The following SOAT2 variants were observed in gnomAD, a reference collection of about 807,000 sequenced individuals.
The protein encoded by SOAT2 is ACAT-2.
A neutral mutation model predicts 76.0 loss-of-function variants in SOAT2; 87 were observed. The ratio of observed to expected loss-of-function variants is 1.14; its 90% CI spans 0.96 to 1.37. The LOEUF (loss-of-function observed/expected upper bound fraction) is 1.37. Ranked by LOEUF, SOAT2 falls within the 40% of genes most tolerant of loss-of-function variation. The pLI, the probability that SOAT2 is intolerant of heterozygous loss-of-function variation, is 0.00. For missense variants in SOAT2, 686 were observed against 682.1 expected (o/e 1.01, Z -0.06); for synonymous variants, 285 against 275.4 (o/e 1.03, Z -0.34).
At chr12:53,115,703 C>A in intron 6 of SOAT2, 49 bp downstream of exon 6, 1 of 1,459,552 alleles carries the variant, frequency 6.9e-7, no homozygotes, top group Non-Finnish European at 9.0e-7. Flanking sequence ...GCTGGTGGGG[C>A]CATCTCAGCA....
chr12:53,110,669 C>A (rs926400191), intron 5 of SOAT2, among the ~76,000 whole-genome samples: 2 of 152,110 alleles, frequency 1.3e-5, no homozygotes, highest in African/African-American at 4.8e-5. Flanking sequence ...TTTCACATGT[C>A]CCTAGCCTTA....
intron 1 of SOAT2, 60 bp downstream of exon 1, chr12:53,103,719 G>T: frequency 7.6e-7 from 1 of 1,315,404 alleles, no homozygotes; most frequent in Non-Finnish European, 1.0e-6. Context: ...GGGGAGAGAT[G>T]CGCTATGGAG....
At chr12:53,116,273 T>G in intron 7 of SOAT2, 107 bp downstream of exon 7, 1 of 1,010,340 alleles carries the variant, frequency 9.9e-7, no homozygotes, top group Non-Finnish European at 1.5e-6. Flanking sequence ...TAAGCCCGGG[T>G]TGCCCACCAG....
chr12:53,118,280 C>A, intron 7 of SOAT2, 70 bp from the exon 8 acceptor site: 1 of 639,614 alleles, frequency 1.6e-6, no homozygotes, highest in Non-Finnish European at 2.9e-6. Flanking sequence ...CACCACCCTT[C>A]CCCAGCAGCC....
chr12:53,111,178 T>C (rs944969937), intron 5 of SOAT2, among the ~76,000 whole-genome samples: 12 of 151,644 alleles, frequency 7.9e-5, no homozygotes, highest in African/African-American at 2.9e-4. Context: ...TGATCTCGGC[T>C]CACTGCAAGC....
chr12:53,122,083 G>T (rs1014111474), intron 12 of SOAT2, among the ~76,000 whole-genome samples: 1 of 151,668 alleles, frequency 6.6e-6, no homozygotes, highest in African/African-American at 2.4e-5. Flanking sequence ...TGGGATTACA[G>T]ACGTAAGTGA....
chr12:53,123,565 A>G (rs911926627), intron 13 of SOAT2, among the ~76,000 whole-genome samples, 163 bp from the exon 14 acceptor site: 13 of 152,196 alleles, frequency 8.5e-5, no homozygotes, highest in African/African-American at 2.9e-4. Flanking sequence ...TCCTGGTTTT[A>G]CATGGGCCAC....
chr12:53,107,304 ACT>A (rs35431257), intron 5 of SOAT2, among the ~76,000 whole-genome samples: 28,311 of 151,796 alleles, frequency 0.19, 3,359 homozygotes, highest in African/African-American at 0.35. Context: ...TCGCAGTAGC[ACT>A]CTCTGTTTCG....
At position 53,115,473 on chromosome 12, in the gene SOAT2, C is replaced by A. The variant is rs1938087278; in HGVS notation, c.527C>A (p.Ser176Tyr). 6.2e-7 allele frequency: 1 copy of A among 1,612,156 alleles called. No homozygotes were observed. Among genetic ancestry groups the A allele is most frequent in the South Asian group, 1.1e-5 (1 of 91,048 alleles). The change falls in exon 6 of 15, where the codon TCC becomes TAC. Residue 176 changes from serine to tyrosine, a missense_variant. Physicochemically the swap from Ser to Tyr is moderately radical, Grantham distance 144. Transcript: ENST00000301466. ...ALVTWVPMFLSTLLAPYQALR... is the reference protein window; with the variant it reads ...ALVTWVPMFLYTLLAPYQALR... Reference sequence around the variant, plus strand: ...GTGACCTGGGTGCCCATGTTTCTGTCCACCCTGTTGGCGCCGTACCAGGCC... The same window carrying A: ...GTGACCTGGGTGCCCATGTTTCTGTACACCCTGTTGGCGCCGTACCAGGCC...
intron 5 of SOAT2, among the ~76,000 whole-genome samples, chr12:53,113,205 T>G (rs1267775310): frequency 2.0e-5 from 3 of 152,142 alleles, no homozygotes; most frequent in Non-Finnish European, 4.4e-5. Flanking sequence ...ACTCAAAACC[T>G]GATTGCAACC....
chr12:53,121,546 C>T (rs1938189907), intron 12 of SOAT2, 145 bp downstream of exon 12: 3 of 641,128 alleles, frequency 4.7e-6, no homozygotes, highest in Non-Finnish European at 8.2e-6. Context: ...TCCTCATTTT[C>T]TCATTTTACC....
intron 12 of SOAT2, among the ~76,000 whole-genome samples, chr12:53,121,980 G>C (rs745421538): frequency 6.6e-6 from 1 of 151,260 alleles, no homozygotes; most frequent in Non-Finnish European, 1.5e-5. Flanking sequence ...GCTAATTTTT[G>C]TATTTTTAGT....
chr12:53,103,652 T>C lies in SOAT2; in HGVS notation c.75T>C (p.Cys25=). Reference sequence around the variant, plus strand: ...GAGGGGAGCGGGAGCGCCAACCCTGTGGAGATGGTGAGCCGCCCTCGGGGG... The same window carrying C: ...GAGGGGAGCGGGAGCGCCAACCCTGCGGAGATGGTGAGCCGCCCTCGGGGG... ...GLGGERERQP[C]GDGNTETHRA... Residue 25 remains cysteine, a synonymous_variant, in exon 1 of 15, where the codon TGT becomes TGC. Coordinates refer to ENST00000301466, the MANE Select transcript of SOAT2 (RefSeq NM_003578.4). The C allele has an allele frequency of 1.3e-6, 2 of 1,532,232 alleles. No individual in the cohort carries two copies. Among genetic ancestry groups the C allele is most frequent in the Non-Finnish European group, 1.8e-6 (2 of 1,141,162 alleles). The allele number at this position is 1,532,232 out of a possible 1,614,324, so 94.9% of individuals were successfully genotyped here.
At chr12:53,117,262 ATTTTTTTTTTTT>A (rs34151150) in intron 7 of SOAT2, among the ~76,000 whole-genome samples, 1 of 109,040 alleles carries the variant, frequency 9.2e-6, no homozygotes, top group African/African-American at 4.0e-5. Context: ...CGCCCGGCCA[ATTTTTTTTTTTT>A]TTTTTTTTTT....
At position 53,120,872 on chromosome 12, in the gene SOAT2, A is replaced by C; in HGVS notation, c.1126A>C (p.Met376Leu). ...CGAGATGCTACGATTTGGAGACAGG[A>C]TGTTCTACCGGGTGGGGCCTGGACC... is the stretch of plus-strand genomic sequence containing the variant. ...FAEMLRFGDR[M>L]FYRDWWNSTS... is the part of the protein sequence containing the mutation. The change falls in exon 11 of 15, where the codon ATG becomes CTG. Residue 376 changes from methionine (M) to leucine (L), a missense_variant. By Grantham distance (15) the Met-to-Leu change is conservative. Coordinates refer to ENST00000301466, the MANE Select transcript of SOAT2 (RefSeq NM_003578.4). The C allele has an allele frequency of 6.2e-7, 1 of 1,613,504 alleles. No individual in the cohort carries two copies. Among genetic ancestry groups the C allele is most frequent in the Non-Finnish European group, 8.5e-7 (1 of 1,179,572 alleles).
At chr12:53,118,615 G>A (rs1157510772) in intron 8 of SOAT2, among the ~76,000 whole-genome samples, 181 bp downstream of exon 8, 1 of 152,124 alleles carries the variant, frequency 6.6e-6, no homozygotes, top group Non-Finnish European at 1.5e-5. Context: ...CCCGGCCTAT[G>A]ATGACACTAG....
chr12:53,106,482 C>T (rs535058984), intron 5 of SOAT2, among the ~76,000 whole-genome samples: 76 of 152,358 alleles, frequency 5.0e-4, no homozygotes, highest in African/African-American at 1.8e-3. Context: ...GTCATTTCCC[C>T]CACAGAGCAC....
intron 5 of SOAT2, among the ~76,000 whole-genome samples, chr12:53,107,901 G>C (rs894580871): frequency 4.6e-5 from 7 of 152,152 alleles, no homozygotes; most frequent in Admixed American, 3.9e-4. Flanking sequence ...GGGATTACAG[G>C]TGTGAGCCAC....
intron 8 of SOAT2, 26 bp downstream of exon 8, chr12:53,118,460 A>C: frequency 3.2e-6 from 5 of 1,541,876 alleles, no homozygotes; most frequent in South Asian, 1.1e-5. Context: ...CCTTCCCCAA[A>C]TGCCCAGGCC....
Sources: gnomAD v4.1 joint callset for allele counts (sites outside exome capture counted in the v4.1 genomes callset) on GRCh38, gnomAD v4.1.1 for gene constraint, MANE v1.5 for transcripts, NCBI Gene and HGNC (gene_info 2026-07-23, HGNC 2026-07-21) for gene names.